AGAP1: variants seen among roughly 807,000 people sequenced by gnomAD.
The protein encoded by AGAP1 is arf-GAP with GTPase, ANK repeat and PH domain-containing protein 1.
In AGAP1, 29 loss-of-function variants were observed where a neutral mutation model predicts 105.3. That is an observed-to-expected ratio of 0.28 (90% CI 0.21 to 0.38). The LOEUF is 0.38. Ranked by LOEUF, AGAP1 falls within the 10% of genes least tolerant of loss-of-function variation. The pLI, the probability that AGAP1 is intolerant of heterozygous loss-of-function variation, is 1.00. For missense variants in AGAP1, 998 were observed against 1,165.1 expected (o/e 0.86, Z 2.09); for synonymous variants, 509 against 485.9 (o/e 1.05, Z -0.63).
intron 1 of AGAP1, among the ~76,000 whole-genome samples, chr2:235,647,036 T>C (rs1389042328): frequency 1.3e-5 from 2 of 149,820 alleles, no homozygotes; most frequent in Non-Finnish European, 1.5e-5. Context: ...CTCGGGAGGC[T>C]GAGGCAGGAG....
chr2:235,748,025 G>C (rs921959463), intron 5 of AGAP1, among the ~76,000 whole-genome samples: 3 of 152,262 alleles, frequency 2.0e-5, no homozygotes, highest in African/African-American at 7.2e-5. Context: ...GGCAAGATGG[G>C]AATGAATGAG....
rs370872239 is a variant in AGAP1 at position 235,883,310 on chromosome 2, A to T, written c.1051-35A>T. On this transcript the variant is annotated intron_variant, in intron 9 of 17. Transcript: ENST00000304032. The surrounding 1 kb of genome is among the most constrained non-coding windows in gnomAD (Gnocchi z 4.5). The stretch of plus-strand genomic sequence containing the variant: ...CCTGCCTTTTCTTTTTTTTATTTAC[A>T]TTAGAATTTCTATTTGGCTCTTTTT... The T allele has an allele frequency of 1.9e-6, 3 of 1,589,136 alleles. No individual in the cohort carries two copies. Among genetic ancestry groups the T allele is most frequent in the Admixed American group, 1.7e-5 (1 of 58,586 alleles).
chr2:235,604,862 G>A (rs1295890384), intron 1 of AGAP1, among the ~76,000 whole-genome samples: 1 of 151,132 alleles, frequency 6.6e-6, no homozygotes, highest in African/African-American at 2.4e-5. Flanking sequence ...GATTACAGGC[G>A]TGAGCCATCG....
intron 12 of AGAP1, among the ~76,000 whole-genome samples, chr2:235,938,215 C>T (rs906406765): frequency 2.0e-5 from 3 of 152,194 alleles, no homozygotes; most frequent in African/African-American, 7.2e-5. Flanking sequence ...TTCCCTGCTT[C>T]AGATGAGGAG....
At chr2:235,640,751 C>T (rs972761574) in intron 1 of AGAP1, among the ~76,000 whole-genome samples, 2 of 152,208 alleles carry the variant, frequency 1.3e-5, no homozygotes, top group Admixed American at 1.3e-4. Context: ...ATAGTCTAGG[C>T]AGGCAAACCC....
intron 16 of AGAP1, 135 bp downstream of exon 16, chr2:236,049,416 A>G (rs1384291722): frequency 1.3e-6 from 1 of 757,300 alleles, no homozygotes; most frequent in Non-Finnish European, 2.1e-6. Context: ...TTCATCCGGC[A>G]TAGGAATGTC....
Position 235,818,826 on chromosome 2 carries a change from G to A in AGAP1, c.1050+11495G>A, listed in dbSNP as rs528871334. Among the ~76,000 whole-genome samples the A allele has an allele frequency of 8.0e-4, 122 of 152,070 alleles. 1 individual carries two copies. The highest frequency in any genetic ancestry group is 2.8e-3 in the African/African-American group (115 of 41,484). On this transcript the variant is annotated intron_variant, in intron 9 of 17. Transcript: ENST00000304032. ...TGACCTTAGGTGATCCACCTGCCTC[G>A]GCCTCCCAAAGTGCTGGGATTACAG...
chr2:235,494,610 G>T lies in AGAP1; in HGVS notation c.-77G>T. 1 of 781,138 alleles carries T rather than the reference G, an allele frequency of 1.3e-6. No individual in the cohort carries two copies. Among genetic ancestry groups the T allele is most frequent in the Middle Eastern group, 6.7e-4 (1 of 1,490 alleles). 48.4% of individuals were successfully genotyped at this position (781,138 alleles called of 1,614,324 possible). A position where few individuals can be genotyped will look rare whatever the true frequency, so the allele number is the denominator to read the frequency against. On this transcript the variant is annotated 5_prime_UTR_variant, in exon 1 of 18. Transcript: ENST00000304032. The stretch of plus-strand genomic sequence containing the variant: ...CTCCCCGGGGGCTGCGGCGCCCCGG[G>T]CTCGGCGGCCCGCGGGCCCCGGGGC...
chr2:235,899,761 C>T (rs1231529714), intron 10 of AGAP1, among the ~76,000 whole-genome samples: 1 of 152,038 alleles, frequency 6.6e-6, no homozygotes, highest in Non-Finnish European at 1.5e-5. Context: ...CCTACAGTGA[C>T]TGTGTAGAGA....
intron 11 of AGAP1, among the ~76,000 whole-genome samples, chr2:235,926,335 C>T (rs2052443863): frequency 6.6e-6 from 1 of 152,168 alleles, no homozygotes; most frequent in African/African-American, 2.4e-5. Flanking sequence ...AGTGGAAATG[C>T]CTCAAAACTG....
rs1017185418 is a variant in AGAP1, at chr2:235,577,338, C to T, written c.163+82489C>T. ...TGTTCATTCATCGCACATTTCAATT[C>T]GGCCACATTTTAGTGCTCAGTAGCA... On this transcript the variant is annotated intron_variant, in intron 1 of 17. Coordinates refer to ENST00000304032, the MANE Select transcript of AGAP1 (RefSeq NM_001037131.3). This position sits in a 1 kb window ranked among gnomAD's most constrained non-coding sequence, Gnocchi z 4.5. Among the ~76,000 whole-genome samples the T allele has an allele frequency of 6.6e-5, 10 of 152,154 alleles. No homozygotes were observed. Among genetic ancestry groups the T allele is most frequent in the Admixed American group, 1.3e-4 (2 of 15,276 alleles).
At chr2:235,834,127 G>A (rs917513715) in intron 9 of AGAP1, among the ~76,000 whole-genome samples, 8 of 152,290 alleles carry the variant, frequency 5.3e-5, no homozygotes, top group Middle Eastern at 6.8e-3. Context: ...GGTTGGAACA[G>A]CTGATGGTTA....
intron 1 of AGAP1, among the ~76,000 whole-genome samples, chr2:235,636,912 C>T (rs1947021570): frequency 6.6e-6 from 1 of 152,150 alleles, no homozygotes; most frequent in South Asian, 2.1e-4. Flanking sequence ...GGTAATGCTT[C>T]TACAAGCCAA....
chr2:235,502,119 G>C (rs910113462), intron 1 of AGAP1, among the ~76,000 whole-genome samples: 2 of 152,092 alleles, frequency 1.3e-5, no homozygotes, highest in Non-Finnish European at 2.9e-5. Flanking sequence ...TCTTTCCCAA[G>C]ATGCAGTGAT....
chr2:235,740,891 G>A lies in AGAP1; in HGVS notation c.311-72G>A, dbSNP rs1045996505. 8 of 1,589,006 alleles carry A rather than the reference G, an allele frequency of 5.0e-6. No individual in the cohort carries two copies. The highest frequency in any genetic ancestry group is 4.5e-5 in the East Asian group (2 of 44,670). On this transcript the variant is annotated intron_variant, in intron 3 of 17. Coordinates refer to ENST00000304032, the MANE Select transcript of AGAP1 (RefSeq NM_001037131.3). This position sits in a 1 kb window ranked among gnomAD's most constrained non-coding sequence, Gnocchi z 5.7. Reference sequence around the variant, plus strand: ...GCCTAGGGTGTATTTTTCCACAAGCGAAGCCCACGTCTGTCTGCCCTCCTC... The same window carrying A: ...GCCTAGGGTGTATTTTTCCACAAGCAAAGCCCACGTCTGTCTGCCCTCCTC...
rs553425953 is a variant in AGAP1, at chr2:236,083,015, C to T, written c.2114+33734C>T. ...TACTAAAAATACAAAATTAGGCAGG[C>T]GTGGTGGTGCACGCCTGTAATCCCA... On this transcript the variant is annotated intron_variant, in intron 16 of 17. Transcript: ENST00000304032. This position sits in a 1 kb window ranked among gnomAD's most constrained non-coding sequence, Gnocchi z 5.3. 6.6e-6 allele frequency among the ~76,000 whole-genome samples: 1 copy of T among 151,862 alleles called. No homozygotes were observed. The highest frequency in any genetic ancestry group is 2.4e-5 in the African/African-American group (1 of 41,334).
intron 1 of AGAP1, among the ~76,000 whole-genome samples, chr2:235,527,835 C>T (rs1226376217): frequency 6.6e-6 from 1 of 152,214 alleles, no homozygotes; most frequent in African/African-American, 2.4e-5. Flanking sequence ...TGCTCCCATT[C>T]ACACCTTAGA....
chr2:235,792,760 G>A lies in AGAP1; in HGVS notation c.674-4999G>A, dbSNP rs773351759. Among the ~76,000 whole-genome samples the A allele has an allele frequency of 9.2e-5, 14 of 152,210 alleles. No homozygotes were observed. The highest frequency in any genetic ancestry group is 1.2e-4 in the Non-Finnish European group (8 of 68,032). ...AGAGGCTAGGAGGCCCAGGCTGGGC[G>A]GCGCGGACTTGAAGGCGCCTCTAGC... On this transcript the variant is annotated intron_variant, in intron 6 of 17. Transcript: ENST00000304032. This position sits in a 1 kb window ranked among gnomAD's most constrained non-coding sequence, Gnocchi z 5.3.
At chr2:235,933,465 C>A (rs931382451) in intron 12 of AGAP1, among the ~76,000 whole-genome samples, 1 of 151,950 alleles carries the variant, frequency 6.6e-6, no homozygotes, top group Non-Finnish European at 1.5e-5. Context: ...AGAAAGACAG[C>A]AGAATGGTGC....
Sources: gnomAD v4.1 joint callset for allele counts (sites outside exome capture counted in the v4.1 genomes callset) on GRCh38, gnomAD v4.1.1 for gene constraint, Gnocchi (gnomAD v3.1) non-coding constraint, MANE v1.5 for transcripts, NCBI Gene and HGNC (gene_info 2026-07-23, HGNC 2026-07-21) for gene names.